LMNB1: variants seen among roughly 807,000 people sequenced by gnomAD.
The protein encoded by LMNB1 is lamin B1.
LMNB1 carries 23 observed loss-of-function variants against 67.1 expected under a neutral mutation model. That is an observed-to-expected ratio of 0.34 (90% CI 0.25 to 0.49). LMNB1 has a LOEUF of 0.49. LMNB1 is among the 20% of genes least tolerant of loss of function. LMNB1 has a pLI of 0.99. For missense variants in LMNB1, 634 were observed against 746.5 expected (o/e 0.85, Z 1.76); for synonymous variants, 281 against 282.9 (o/e 0.99, Z 0.07).
rs974811953 is a variant in LMNB1, at chr5:126,789,655, G to A, written c.359+11788G>A. 2.6e-5 allele frequency among the ~76,000 whole-genome samples: 4 copies of A among 152,168 alleles called. No individual in the cohort carries two copies. The South Asian group carries it at 6.2e-4, about 24-fold the overall frequency. On this transcript the variant is annotated intron_variant, in intron 1 of 10. Transcript: ENST00000261366. ...TTTACTGTGATCCTCTTAAAATAGG[G>A]ACTTTGCATTTGGAGTTTCCTTTGA...
intron 1 of LMNB1, among the ~76,000 whole-genome samples, chr5:126,795,472 A>T (rs1318439365): frequency 2.0e-5 from 3 of 152,070 alleles, no homozygotes; most frequent in Non-Finnish European, 2.9e-5. Context: ...TTGTTATTGC[A>T]GGCCTGGAAT....
intron 1 of LMNB1, among the ~76,000 whole-genome samples, chr5:126,802,467 G>A (rs868532328): frequency 5.9e-5 from 9 of 151,978 alleles, no homozygotes; most frequent in Admixed American, 3.3e-4. Flanking sequence ...TTTTTGAGAC[G>A]GAGTCTCACT....
chr5:126,790,250 C>T (rs1403038298), intron 1 of LMNB1, among the ~76,000 whole-genome samples: 3 of 152,080 alleles, frequency 2.0e-5, no homozygotes, highest in Admixed American at 6.6e-5. Context: ...GGATTACAGG[C>T]GTGCACCACC....
chr5:126,785,714 G>C (rs1750763863), intron 1 of LMNB1, among the ~76,000 whole-genome samples: 1 of 142,878 alleles, frequency 7.0e-6, no homozygotes, highest in Non-Finnish European at 1.5e-5. Context: ...TTGGGCCTTA[G>C]GTTGGGCCCA....
intron 6 of LMNB1, among the ~76,000 whole-genome samples, chr5:126,819,892 C>A (rs1485897722): frequency 6.6e-6 from 1 of 152,162 alleles, no homozygotes; most frequent in Non-Finnish European, 1.5e-5. Context: ...TGCCTGTAAT[C>A]CCGGCACTTT....
chr5:126,809,689 A>G (rs1326170586), intron 3 of LMNB1, among the ~76,000 whole-genome samples: 2 of 143,580 alleles, frequency 1.4e-5, no homozygotes, highest in African/African-American at 5.3e-5. Context: ...TCTATCTCAG[A>G]AAAGAAAAGA....
At chr5:126,817,053 C>T (rs2973603) in intron 5 of LMNB1, among the ~76,000 whole-genome samples, 2 of 152,184 alleles carry the variant, frequency 1.3e-5, no homozygotes, top group African/African-American at 4.8e-5. Flanking sequence ...TCTTCTGTAA[C>T]GATTTATCCA....
chr5:126,826,196 A>G, intron 9 of LMNB1, 89 bp downstream of exon 9: 1 of 1,432,474 alleles, frequency 7.0e-7, no homozygotes, highest in Non-Finnish European at 9.5e-7. Flanking sequence ...GAAACGTGCA[A>G]TAACCGATTG....
At chr5:126,788,020 A>T (rs1289774178) in intron 1 of LMNB1, among the ~76,000 whole-genome samples, 1 of 152,148 alleles carries the variant, frequency 6.6e-6, no homozygotes, top group Non-Finnish European at 1.5e-5. Flanking sequence ...CTTGGGGAGT[A>T]ACAAGGCAGC....
intron 4 of LMNB1, among the ~76,000 whole-genome samples, chr5:126,811,335 A>G (rs946621021): frequency 6.6e-6 from 1 of 152,140 alleles, no homozygotes; most frequent in African/African-American, 2.4e-5. Flanking sequence ...AAGTGTTTCT[A>G]TCTGGTTTGA....
intron 1 of LMNB1, among the ~76,000 whole-genome samples, chr5:126,802,349 A>G (rs1385838415): frequency 2.6e-5 from 4 of 152,244 alleles, no homozygotes; most frequent in Non-Finnish European, 5.9e-5. Flanking sequence ...ATCAGTAAGT[A>G]AAAGTACTCT....
chr5:126,829,863 C>T (rs1752088419), intron 9 of LMNB1, among the ~76,000 whole-genome samples: 1 of 151,922 alleles, frequency 6.6e-6, no homozygotes, highest in Admixed American at 6.6e-5. Flanking sequence ...GGGTGTGTAC[C>T]CAGGTAAACC....
chr5:126,777,850 C>T lies in LMNB1; in HGVS notation c.342C>T (p.His114=). The change falls in exon 1 of 11, where the codon CAC becomes CAT. Residue 114 remains histidine, a synonymous_variant. Coordinates refer to ENST00000261366, the MANE Select transcript of LMNB1 (RefSeq NM_005573.4). ...AGCTGGGCAAGTGCAAGGCGGAACA[C>T]GACCAGCTGCTCCTCAAGTGAGTGC... The part of the protein sequence containing the change: ...QIELGKCKAE[H]DQLLLNYAKK... 7 of 1,436,716 alleles carry T rather than the reference C, an allele frequency of 4.9e-6. No individual in the cohort carries two copies. Among genetic ancestry groups the T allele is most frequent in the East Asian group, 2.8e-5 (1 of 35,500 alleles). 89.0% of individuals were successfully genotyped at this position (1,436,716 alleles called of 1,614,324 possible). A position where few individuals can be genotyped will look rare whatever the true frequency, so the allele number is the denominator to read the frequency against.
intron 9 of LMNB1, among the ~76,000 whole-genome samples, chr5:126,826,443 A>C (rs1752000698): frequency 6.6e-6 from 1 of 152,242 alleles, no homozygotes; most frequent in Non-Finnish European, 1.5e-5. Flanking sequence ...TGAGCTAATA[A>C]TAAGAATGAG....
intron 1 of LMNB1, among the ~76,000 whole-genome samples, chr5:126,793,551 T>C (rs2036847): frequency 0.2 from 30,920 of 152,092 alleles, 3,263 homozygotes; most frequent in East Asian, 0.3. Flanking sequence ...TCTTTTTGCA[T>C]ATGCCAGAGG....
At chr5:126,813,810 TATC>T (rs1751636934) in intron 5 of LMNB1, among the ~76,000 whole-genome samples, 1 of 152,224 alleles carries the variant, frequency 6.6e-6, no homozygotes, top group African/African-American at 2.4e-5. Context: ...TACCTCTTAA[TATC>T]ATCACCTTGA....
chr5:126,816,442 T>C (rs2126724009), intron 5 of LMNB1, among the ~76,000 whole-genome samples: 1 of 152,348 alleles, frequency 6.6e-6, no homozygotes, highest in South Asian at 2.1e-4. Context: ...TAATTTTAGA[T>C]TTACAGAAAA....
intron 1 of LMNB1, among the ~76,000 whole-genome samples, chr5:126,798,761 A>ATGTGTG (rs1259847457): frequency 1.2e-5 from 1 of 84,698 alleles, no homozygotes; most frequent in Non-Finnish European, 2.4e-5. Context: ...GAAAAAAGAG[A>ATGTGTG]AGTGTGTGTG....
intron 3 of LMNB1, among the ~76,000 whole-genome samples, chr5:126,808,190 A>AT (rs1207779185): frequency 2.9e-5 from 4 of 138,300 alleles, no homozygotes; most frequent in Non-Finnish European, 4.7e-5. Flanking sequence ...TTTAAAAAAA[A>AT]TTTTTTTGTG....
Sources: allele counts gnomAD v4.1 joint callset (sites outside exome capture counted in the v4.1 genomes callset), GRCh38; gene constraint gnomAD v4.1.1; transcripts MANE v1.5; gene names NCBI Gene and HGNC (gene_info 2026-07-23, HGNC 2026-07-21).